Variants in SGCD observed in about 807,000 individuals in gnomAD.
SGCD encodes sarcoglycan delta.
A neutral mutation model predicts 36.6 loss-of-function variants in SGCD; 18 were observed. The ratio of observed to expected loss-of-function variants is 0.49; its 90% CI spans 0.34 to 0.73. SGCD has a LOEUF of 0.73. Ranked by LOEUF, SGCD falls within the 30% of genes least tolerant of loss-of-function variation. SGCD has a pLI of 0.01. For missense variants in SGCD, 387 were observed against 346.7 expected, an observed-to-expected ratio of 1.12 and a Z score of -0.92; for synonymous variants, 133 against 130.6, an observed-to-expected ratio of 1.02 and a Z score of -0.12.
Position 155,922,989 on chromosome 5 carries a change from T to C in SGCD, c.-282+52565T>C, listed in dbSNP as rs79936324. ...TTGATGAGTCCTATTAGCATAACCA[T>C]ACAGCATGAAACATAGTCATTATTT... is the stretch of plus-strand genomic sequence containing the variant. On this transcript the variant is annotated intron_variant, in intron 1 of 9. Coordinates refer to the SGCD transcript ENST00000517913. Among the ~76,000 whole-genome samples, 22 of 152,246 alleles carry C rather than the reference T, an allele frequency of 1.4e-4. No homozygotes were observed. The East Asian group carries it at 4.2e-3, about 29-fold the overall frequency.
the SGCD span, among the ~76,000 whole-genome samples, chr5:155,747,668 A>C: frequency 6.6e-6 from 1 of 152,162 alleles, no homozygotes; most frequent in African/African-American, 2.4e-5. Context: ...CTTTCAACAT[A>C]AGGTAGCTAT....
intron 1 of SGCD, among the ~76,000 whole-genome samples, chr5:156,111,972 G>T (rs190328425): frequency 0.013 from 1,947 of 152,174 alleles, 152 homozygotes; most frequent in Admixed American, 0.12. Flanking sequence ...TAGAGACAGG[G>T]TTTCACCATG....
At chr5:156,723,936 A>G (rs557355622) in intron 7 of SGCD, among the ~76,000 whole-genome samples, 2 of 152,184 alleles carry the variant, frequency 1.3e-5, no homozygotes, top group African/African-American at 4.8e-5. Context: ...TCTTTCTGCA[A>G]TGTACAGAAT....
rs903910203 is a variant in SGCD, at chr5:156,091,832, C to T, written c.-281-26046C>T. Among the ~76,000 whole-genome samples the T allele has an allele frequency of 2.0e-5, 3 of 152,178 alleles. No homozygotes were observed. The South Asian group carries it at 6.2e-4, about 31-fold the overall frequency. ...GGCATGAACACAGTGACCAATTGTC[C>T]CAGGCTAAATTTTTATGCTTCCTGT... On this transcript the variant is annotated intron_variant, in intron 1 of 9. Coordinates refer to the SGCD transcript ENST00000517913.
At chr5:156,754,757 G>A (rs188844256) in intron 7 of SGCD, among the ~76,000 whole-genome samples, 3 of 152,188 alleles carry the variant, frequency 2.0e-5, no homozygotes, top group Admixed American at 6.5e-5. Flanking sequence ...GTTTTGGTGA[G>A]GATTAAATGA....
chr5:156,215,335 G>A (rs949601546), intron 3 of SGCD, among the ~76,000 whole-genome samples: 3 of 152,004 alleles, frequency 2.0e-5, no homozygotes, highest in African/African-American at 4.8e-5. Context: ...ACACAAATGG[G>A]ATTGCATTAA....
At position 156,162,876 on chromosome 5, in the gene SGCD, T is replaced by C. The variant is rs144043294; in HGVS notation, c.-44+38857T>C. Among the ~76,000 whole-genome samples, 156 of 151,752 alleles carry C rather than the reference T, an allele frequency of 1.0e-3. 3 individuals are homozygous for C. In the Middle Eastern group the frequency reaches 0.017, roughly 17 times the overall value. On this transcript the variant is annotated intron_variant, in intron 3 of 9. Transcript: ENST00000517913. The stretch of plus-strand genomic sequence containing the variant: ...AAATCCTTAACTTGAATGGGTTCTA[T>C]AATAGCCCACACACTAACCCTGGGG...
At chr5:156,599,840 T>G (rs1170677354) in intron 6 of SGCD, among the ~76,000 whole-genome samples, 1 of 152,222 alleles carries the variant, frequency 6.6e-6, no homozygotes, top group African/African-American at 2.4e-5. Flanking sequence ...TGGTTTCTGT[T>G]GTAAGCTAGT....
At chr5:156,571,632 A>G (rs1581186391) in intron 4 of SGCD, among the ~76,000 whole-genome samples, 2 of 152,246 alleles carry the variant, frequency 1.3e-5, no homozygotes, top group Middle Eastern at 6.8e-3. Context: ...ACACAATCAC[A>G]GTCTCCGTGG....
intron 4 of SGCD, among the ~76,000 whole-genome samples, chr5:156,579,799 A>G (rs1041492821): frequency 2.0e-5 from 3 of 152,124 alleles, no homozygotes; most frequent in African/African-American, 7.2e-5. Context: ...TTTTGAGCCT[A>G]TGTGTGTCTG....
chr5:156,529,540 A>G (rs1406415355), intron 4 of SGCD, among the ~76,000 whole-genome samples: 1 of 152,090 alleles, frequency 6.6e-6, no homozygotes, highest in Non-Finnish European at 1.5e-5. Flanking sequence ...GTAAAAAAAA[A>G]ATGCTTTTTT....
chr5:156,609,540 G>A (rs971373079), intron 6 of SGCD, among the ~76,000 whole-genome samples: 9 of 152,072 alleles, frequency 5.9e-5, no homozygotes, highest in African/African-American at 9.7e-5. Context: ...TGCTCCTCTC[G>A]AGGAGTATCT....
At chr5:156,349,812 A>G (rs1262575773) in intron 3 of SGCD, among the ~76,000 whole-genome samples, 2 of 152,042 alleles carry the variant, frequency 1.3e-5, no homozygotes, top group African/African-American at 4.8e-5. Flanking sequence ...TTTGCAGCAC[A>G]TTTCACAACT....
Position 156,406,018 on chromosome 5 carries a change from T to TAAAAAAAAAAAAAAAAAAAAAAAAAA in SGCD, c.192+61357_192+61358insAAAAAAAAAAAAAAAAAAAAAAAAAA, listed in dbSNP as rs10529406. ...TGCTGTATTTGGCCCTATCTTTGCT[T>TAAAAAAAAAAAAAAAAAAAAAAAAAA]AAAAAAAAAAAAAAAAGGCCTCTGG... is the stretch of plus-strand genomic sequence containing the variant. On this transcript the variant is annotated intron_variant, in intron 3 of 8. Transcript: ENST00000337851. Among the ~76,000 whole-genome samples, 73 of 103,922 alleles carry TAAAAAAAAAAAAAAAAAAAAAAAAAA rather than the reference T, an allele frequency of 7.0e-4. 2 individuals are homozygous for TAAAAAAAAAAAAAAAAAAAAAAAAAA. The highest frequency in any genetic ancestry group is 2.4e-3 in the South Asian group (6 of 2,452). The allele number at this position is 103,922 out of a possible 152,430, so 68.2% of individuals were successfully genotyped here.
At chr5:156,477,794 A>G (rs1354563) in intron 3 of SGCD, among the ~76,000 whole-genome samples, 73,194 of 151,880 alleles carry the variant, frequency 0.48, 17,940 homozygotes, top group Middle Eastern at 0.69. Context: ...ATGGGCAGCT[A>G]AAATTTTCCT....
chr5:155,877,741 A>G (rs1755796154), intron 1 of SGCD, among the ~76,000 whole-genome samples: 1 of 152,070 alleles, frequency 6.6e-6, no homozygotes, highest in Admixed American at 6.6e-5. Context: ...GTTTTATGTG[A>G]ATAAAAAGGA....
intron 6 of SGCD, among the ~76,000 whole-genome samples, chr5:156,622,513 C>G (rs1285652241): frequency 6.7e-6 from 1 of 148,268 alleles, no homozygotes; most frequent in Non-Finnish European, 1.5e-5. Context: ...TTTCTTCACC[C>G]CTTGCAAGTC....
At chr5:156,498,112 A>C (rs1756278076) in intron 3 of SGCD, among the ~76,000 whole-genome samples, 1 of 152,044 alleles carries the variant, frequency 6.6e-6, no homozygotes, top group African/African-American at 2.4e-5. Flanking sequence ...AATAACAGTC[A>C]TGTTTTACCC....
intron 1 of SGCD, among the ~76,000 whole-genome samples, chr5:156,045,948 A>G (rs1388759443): frequency 1.3e-5 from 2 of 152,170 alleles, no homozygotes; most frequent in East Asian, 3.8e-4. Context: ...TGAATCTTGC[A>G]TAGCTCCTCT....
Sources: allele counts gnomAD v4.1 joint callset (sites outside exome capture counted in the v4.1 genomes callset), GRCh38; gene constraint gnomAD v4.1.1; transcripts MANE v1.5; gene names NCBI Gene and HGNC (gene_info 2026-07-23, HGNC 2026-07-21).